GAN: variants seen among roughly 807,000 people sequenced by gnomAD.
GAN encodes epididymis secretory sperm binding protein.
In GAN, 48 loss-of-function variants were observed where a neutral mutation model predicts 71.3. That is an observed-to-expected ratio of 0.67 (90% CI 0.53 to 0.86). The LOEUF is 0.86. Ranked by LOEUF, GAN falls within the 40% of genes least tolerant of loss-of-function variation. The pLI, the probability that GAN is intolerant of heterozygous loss-of-function variation, is 0.00. For missense variants in GAN, 928 were observed against 770.1 expected, an observed-to-expected ratio of 1.21 and a Z score of -2.43; for synonymous variants, 386 against 276.8, an observed-to-expected ratio of 1.39 and a Z score of -3.92.
chr16:81,350,170 G>A (rs1020561723), intron 1 of GAN, among the ~76,000 whole-genome samples: 19 of 151,998 alleles, frequency 1.3e-4, no homozygotes, highest in African/African-American at 1.7e-4. Flanking sequence ...CTCCTACACC[G>A]CAATGTGAGG....
At chr16:81,361,935 G>T (rs1033649392) in intron 5 of GAN, among the ~76,000 whole-genome samples, 4 of 152,178 alleles carry the variant, frequency 2.6e-5, no homozygotes, top group Admixed American at 6.5e-5. Flanking sequence ...AGCAGTCCTT[G>T]TAGCTTGGCT....
At chr16:81,367,163 A>G (rs1007709784) in intron 9 of GAN, among the ~76,000 whole-genome samples, 4 of 152,182 alleles carry the variant, frequency 2.6e-5, no homozygotes, top group African/African-American at 9.7e-5. Context: ...AGCTTTTAAT[A>G]TAACTATCAC....
In GAN at chr16:81,377,592, CT is replaced by C. The variant is rs755084684; in HGVS notation, c.1792del (p.Ter598GlufsTer11). On this transcript the variant is annotated frameshift_variant, in exon 11 of 11. Coordinates refer to ENST00000648994, the MANE Select transcript of GAN (RefSeq NM_022041.4). LOFTEE classifies it high-confidence loss of function. ...QGLFRIRVHS[P>X] ...TTATTCCGTATTCGTGTTCATTCCC[CT>C]TGAGGAGGAAGCAGAGCAGAGTGCG... 4 of 1,613,818 alleles carry C rather than the reference CT, an allele frequency of 2.5e-6. No individual in the cohort carries two copies. In the Admixed American group the frequency reaches 6.7e-5, roughly 27 times the overall value.
intron 1 of GAN, among the ~76,000 whole-genome samples, chr16:81,326,481 C>T (rs1567479571): frequency 6.6e-6 from 1 of 151,982 alleles, no homozygotes; most frequent in Non-Finnish European, 1.5e-5. Flanking sequence ...TGCGAGGAGA[C>T]GAGATCGCGC....
intron 1 of GAN, among the ~76,000 whole-genome samples, chr16:81,325,097 A>G (rs1318123584): frequency 2.0e-5 from 3 of 152,236 alleles, no homozygotes; most frequent in Admixed American, 6.5e-5. Flanking sequence ...TGGCTTCTTC[A>G]TCGTCACCAA....
chr16:81,361,237 A>T (rs1910663163), intron 5 of GAN, among the ~76,000 whole-genome samples: 1 of 152,166 alleles, frequency 6.6e-6, no homozygotes, highest in Admixed American at 6.5e-5. Flanking sequence ...AAACAAAAAA[A>T]ATCAAAAAAA....
At chr16:81,376,497 G>GTGTA (rs1215201849) in intron 9 of GAN, among the ~76,000 whole-genome samples, 1 of 145,770 alleles carries the variant, frequency 6.9e-6, no homozygotes, top group Non-Finnish European at 1.5e-5. Context: ...GTGTGTGTGT[G>GTGTA]TGTGTGTGTG....
In GAN at chr16:81,386,942, T is replaced by A. The variant is rs540968558; in HGVS notation, c.*9346T>A. On this transcript the variant is annotated 3_prime_UTR_variant, in exon 11 of 11. Coordinates refer to ENST00000648994, the MANE Select transcript of GAN (RefSeq NM_022041.4). ...GCCGGGCAACAAGGGCTAAACTCCA[T>A]CTCAAAAGAAAAGAAAGAAAGGGAA... is the stretch of plus-strand genomic sequence containing the variant. 6.6e-6 allele frequency: 1 copy of A among 152,106 alleles called. No homozygotes were observed. The highest frequency in any genetic ancestry group is 2.4e-5 in the African/African-American group (1 of 41,396). The allele number at this position is 152,106 out of a possible 1,614,324, so 9.4% of individuals were successfully genotyped here. A position where few individuals can be genotyped will look rare whatever the true frequency, so the allele number is the denominator to read the frequency against.
At position 81,314,999 on chromosome 16, in the gene GAN, C is replaced by G; in HGVS notation, c.-115C>G. The G allele has an allele frequency of 1.1e-6, 1 of 921,760 alleles. No individual in the cohort carries two copies. Among genetic ancestry groups the G allele is most frequent in the Non-Finnish European group, 1.5e-6 (1 of 675,592 alleles). The allele number at this position is 921,760 out of a possible 1,614,324, so 57.1% of individuals were successfully genotyped here. ...CACGTCCCGGGGGCTCCAGCTTCTG[C>G]TCAGAGCGCGGAGAGCCGGGCCGGG... is the stretch of plus-strand genomic sequence containing the variant. On this transcript the variant is annotated 5_prime_UTR_variant, in exon 1 of 11. Coordinates refer to ENST00000648994, the MANE Select transcript of GAN (RefSeq NM_022041.4).
At chr16:81,331,006 A>G (rs1909558220) in intron 1 of GAN, among the ~76,000 whole-genome samples, 1 of 152,174 alleles carries the variant, frequency 6.6e-6, no homozygotes. Context: ...AGCAGTCTAG[A>G]CCAACCTGGG....
chr16:81,338,039 C>G (rs1444196088), intron 1 of GAN, among the ~76,000 whole-genome samples: 2 of 152,152 alleles, frequency 1.3e-5, no homozygotes, highest in Non-Finnish European at 2.9e-5. Flanking sequence ...GATTGCAAAT[C>G]ACCTTAATCT....
chr16:81,389,648 G>C lies in GAN; in HGVS notation c.*12052G>C, dbSNP rs1244841610. 1 of 152,204 alleles carries C rather than the reference G, an allele frequency of 6.6e-6. No homozygotes were observed. Among genetic ancestry groups the C allele is most frequent in the Non-Finnish European group, 1.5e-5 (1 of 68,040 alleles). The allele number at this position is 152,204 out of a possible 1,614,324, so 9.4% of individuals were successfully genotyped here. A position where few individuals can be genotyped will look rare whatever the true frequency, so the allele number is the denominator to read the frequency against. ...ACACTAGAAATGTGTACATTCTTTT[G>C]TTTTCCATCACGGGTATAGGTCTTC... On this transcript the variant is annotated 3_prime_UTR_variant, in exon 11 of 11. Transcript: ENST00000648994.
At chr16:81,360,025 GGA>G (rs1910620068) in intron 5 of GAN, among the ~76,000 whole-genome samples, 1 of 115,250 alleles carries the variant, frequency 8.7e-6, no homozygotes, top group Non-Finnish European at 1.9e-5. Context: ...TTGGATGGAT[GGA>G]TGGATGGATG....
At position 81,390,581 on chromosome 16, in the gene GAN, G is replaced by A. The variant is rs1035594214; in HGVS notation, c.*12985G>A. The A allele has an allele frequency of 4.6e-5, 7 of 152,180 alleles. No homozygotes were observed. The highest frequency in any genetic ancestry group is 1.0e-4 in the Non-Finnish European group (7 of 68,044). The allele number at this position is 152,180 out of a possible 1,614,324, so 9.4% of individuals were successfully genotyped here. On this transcript the variant is annotated 3_prime_UTR_variant, in exon 11 of 11. Transcript: ENST00000648994. ...TCTCTTGTACCAAGGATCAGTGAAA[G>A]TGTTTTATCTTTTTTATGTAGTTTG...
intron 1 of GAN, among the ~76,000 whole-genome samples, chr16:81,343,235 A>G (rs28864156): frequency 0.024 from 3,646 of 152,340 alleles, 65 homozygotes; most frequent in East Asian, 0.082. Context: ...ATTCCGATCA[A>G]TAGAAAAAGG....
chr16:81,377,090 A>G, intron 9 of GAN, 129 bp from the exon 10 acceptor site: 1 of 771,028 alleles, frequency 1.3e-6, no homozygotes, highest in East Asian at 2.4e-5. Context: ...CTGGCAGTGG[A>G]ACGTGGGGTC....
chr16:81,326,751 T>C (rs1488011505), intron 1 of GAN, among the ~76,000 whole-genome samples: 1 of 152,228 alleles, frequency 6.6e-6, no homozygotes, highest in East Asian at 1.9e-4. Flanking sequence ...GTGACTGTAC[T>C]GAACACTGTA....
At position 81,379,847 on chromosome 16, in the gene GAN, G is replaced by A. The variant is rs1904296563; in HGVS notation, c.*2251G>A. 1 of 151,612 alleles carries A rather than the reference G, an allele frequency of 6.6e-6. No individual in the cohort carries two copies. Among genetic ancestry groups the A allele is most frequent in the Admixed American group, 6.6e-5 (1 of 15,210 alleles). The allele number at this position is 151,612 out of a possible 1,614,324, so 9.4% of individuals were successfully genotyped here. On this transcript the variant is annotated 3_prime_UTR_variant, in exon 11 of 11. Transcript: ENST00000648994. ...CAAGGAGACAGTTCATTATTTAGGA[G>A]TGAATGTGTTCCTCTTGCAATATTA...
In GAN at chr16:81,320,859, A is replaced by G. The variant is rs192076223; in HGVS notation, c.167+5579A>G. Among the ~76,000 whole-genome samples the G allele has an allele frequency of 2.5e-4, 38 of 152,042 alleles. 1 individual carries two copies. Among genetic ancestry groups the G allele is most frequent in the Admixed American group, 2.3e-3 (35 of 15,276 alleles). On this transcript the variant is annotated intron_variant, in intron 1 of 10. Coordinates refer to ENST00000648994, the MANE Select transcript of GAN (RefSeq NM_022041.4). ...TCCTAACAACTGCTCAGAAGATGAA[A>G]TTTGTCCAGAAGGTCTTGATAGTTT...
Sources: allele counts gnomAD v4.1 joint callset (sites outside exome capture counted in the v4.1 genomes callset), GRCh38; gene constraint gnomAD v4.1.1; transcripts MANE v1.5; gene names NCBI Gene and HGNC (gene_info 2026-07-23, HGNC 2026-07-21).